MYRIP: variants seen among roughly 807,000 people sequenced by gnomAD.
MYRIP encodes myosin VIIA and Rab interacting protein, also known as rab effector MyRIP.
MYRIP carries 49 observed loss-of-function variants against 98.0 expected under a neutral mutation model. That is an observed-to-expected ratio of 0.50 (90% CI 0.40 to 0.63). The LOEUF is 0.63. Ranked by LOEUF, MYRIP falls within the 30% of genes least tolerant of loss-of-function variation. MYRIP has a pLI of 0.00. For missense variants in MYRIP, 1,004 were observed against 1,058.2 expected (o/e 0.95, Z 0.71); for synonymous variants, 404 against 409.5 (o/e 0.99, Z 0.16).
At chr3:39,946,153 T>A (rs1944896465) in intron 2 of MYRIP, among the ~76,000 whole-genome samples, 1 of 152,126 alleles carries the variant, frequency 6.6e-6, no homozygotes. Context: ...ATACTGCATA[T>A]TGTCCCAGTA....
intron 2 of MYRIP, among the ~76,000 whole-genome samples, chr3:39,959,435 A>C (rs1325134520): frequency 6.6e-6 from 1 of 152,122 alleles, no homozygotes; most frequent in Non-Finnish European, 1.5e-5. Flanking sequence ...AGAAAACCAA[A>C]CACCACATAT....
chr3:39,948,307 C>A (rs1488555192), intron 2 of MYRIP, among the ~76,000 whole-genome samples: 1 of 152,034 alleles, frequency 6.6e-6, no homozygotes, highest in Non-Finnish European at 1.5e-5. Context: ...TTATCATGAG[C>A]AGTTTATATT....
At chr3:40,127,409 G>A (rs924101702) in intron 3 of MYRIP, among the ~76,000 whole-genome samples, 1 of 152,204 alleles carries the variant, frequency 6.6e-6, no homozygotes, top group African/African-American at 2.4e-5. Context: ...AAGTTCTGGA[G>A]GCACCAGGAT....
chr3:39,864,523 C>T lies in MYRIP; in HGVS notation c.-30-36264C>T, dbSNP rs538068806. On this transcript the variant is annotated intron_variant, in intron 1 of 16. Coordinates refer to ENST00000302541, the MANE Select transcript of MYRIP (RefSeq NM_015460.4). Reference sequence around the variant, plus strand: ...CACCAACAACATCCAAGCTGAGAGACAAATCAGTAATCCAGTTCCATTAAC... The same window carrying T: ...CACCAACAACATCCAAGCTGAGAGATAAATCAGTAATCCAGTTCCATTAAC... 6.1e-4 allele frequency among the ~76,000 whole-genome samples: 93 copies of T among 152,204 alleles called. 1 individual carries two copies. Among genetic ancestry groups the T allele is most frequent in the African/African-American group, 2.1e-3 (86 of 41,542 alleles).
At chr3:40,134,654 T>C (rs1298758674) in intron 3 of MYRIP, among the ~76,000 whole-genome samples, 1 of 152,138 alleles carries the variant, frequency 6.6e-6, no homozygotes, top group African/African-American at 2.4e-5. Flanking sequence ...GACTGATGCC[T>C]CACACAGCCG....
chr3:39,870,419 G>T (rs1942751805), intron 1 of MYRIP, among the ~76,000 whole-genome samples: 1 of 152,202 alleles, frequency 6.6e-6, no homozygotes, highest in Non-Finnish European at 1.5e-5. Context: ...ATTCTCAAAT[G>T]ATACAAATAG....
chr3:40,254,372 G>C (rs571944863), intron 16 of MYRIP, among the ~76,000 whole-genome samples: 36 of 150,934 alleles, frequency 2.4e-4, no homozygotes, highest in African/African-American at 8.8e-4. Context: ...TTTACATCAG[G>C]TGACACAGAC....
chr3:40,000,046 G>A, intron 2 of MYRIP, among the ~76,000 whole-genome samples: 1 of 101,144 alleles, frequency 9.9e-6, no homozygotes, highest in East Asian at 3.7e-4. Context: ...GGAGGGGGGA[G>A]GGATAACAAT....
chr3:40,236,814 T>G (rs962270936), intron 12 of MYRIP, among the ~76,000 whole-genome samples: 1 of 152,096 alleles, frequency 6.6e-6, no homozygotes, highest in Non-Finnish European at 1.5e-5. Flanking sequence ...ATGAATGCTG[T>G]TCCCAGAAAT....
At chr3:40,203,821 A>T (rs1240334936) in intron 10 of MYRIP, among the ~76,000 whole-genome samples, 1 of 722 alleles carries the variant, frequency 1.4e-3, no homozygotes, top group Admixed American at 0.02. Context: ...ATTTATATTT[A>T]TATATTTATA....
chr3:40,072,318 C>T (rs1469587985), intron 3 of MYRIP, among the ~76,000 whole-genome samples: 1 of 152,114 alleles, frequency 6.6e-6, no homozygotes, highest in Non-Finnish European at 1.5e-5. Context: ...AAGCAATTCT[C>T]ATGTTTCAGC....
chr3:40,039,355 A>G (rs528497960), intron 2 of MYRIP, among the ~76,000 whole-genome samples: 1 of 152,314 alleles, frequency 6.6e-6, no homozygotes, highest in Non-Finnish European at 1.5e-5. Flanking sequence ...ACTTTTAAAA[A>G]GTCAGAATAG....
intron 11 of MYRIP, among the ~76,000 whole-genome samples, chr3:40,233,271 A>G (rs550554433): frequency 2.0e-5 from 3 of 152,352 alleles, no homozygotes; most frequent in Admixed American, 1.3e-4. Context: ...GAAGCAAGCA[A>G]GAGAGAATGG....
At chr3:39,888,049 A>T (rs914107601) in intron 1 of MYRIP, among the ~76,000 whole-genome samples, 1 of 151,838 alleles carries the variant, frequency 6.6e-6, no homozygotes, top group Non-Finnish European at 1.5e-5. Context: ...AAATGGAAGA[A>T]CATTCCATGC....
At chr3:40,158,316 T>G (rs1436116133) in intron 4 of MYRIP, among the ~76,000 whole-genome samples, 1 of 152,252 alleles carries the variant, frequency 6.6e-6, no homozygotes, top group Non-Finnish European at 1.5e-5. Context: ...TTGAGTGAGA[T>G]TCTTAATCCT....
chr3:39,856,926 A>G (rs988079422), intron 1 of MYRIP, among the ~76,000 whole-genome samples: 4 of 152,164 alleles, frequency 2.6e-5, no homozygotes, highest in Non-Finnish European at 5.9e-5. Context: ...AAAGAAATAA[A>G]TATCAATGAG....
chr3:39,976,663 A>T (rs1945760085), intron 2 of MYRIP, among the ~76,000 whole-genome samples: 1 of 152,232 alleles, frequency 6.6e-6, no homozygotes, highest in Non-Finnish European at 1.5e-5. Flanking sequence ...CAACAATGAT[A>T]GAGTGGATTT....
intron 1 of MYRIP, among the ~76,000 whole-genome samples, chr3:39,869,323 A>G (rs1483748718): frequency 6.6e-6 from 1 of 152,154 alleles, no homozygotes; most frequent in Non-Finnish European, 1.5e-5. Context: ...TATTTCTGCC[A>G]GTGCAGATAT....
At chr3:40,222,161 T>C (rs1225711956) in intron 11 of MYRIP, among the ~76,000 whole-genome samples, 3 of 152,200 alleles carry the variant, frequency 2.0e-5, no homozygotes, top group Non-Finnish European at 4.4e-5. Flanking sequence ...GGCTACCCCA[T>C]AGGCAGTGTG....
Sources: allele counts gnomAD v4.1 joint callset (sites outside exome capture counted in the v4.1 genomes callset), GRCh38; gene constraint gnomAD v4.1.1; transcripts MANE v1.5; gene names NCBI Gene and HGNC (gene_info 2026-07-23, HGNC 2026-07-21).